SGPP1: variants seen among roughly 807,000 people sequenced by gnomAD.
The protein encoded by SGPP1 is hSPP1.
A neutral mutation model predicts 33.0 loss-of-function variants in SGPP1; 21 were observed. The observed-to-expected ratio is 0.64, with a 90% confidence interval of 0.45 to 0.92. SGPP1 has a LOEUF of 0.92. Ranked by LOEUF, SGPP1 falls within the 40% of genes least tolerant of loss-of-function variation. The pLI is 0.00. For synonymous variants in SGPP1, 239 were observed against 241.2 expected (o/e 0.99, Z 0.08); for missense variants, 543 against 589.4 (o/e 0.92, Z 0.81).
rs75205747 is a variant in SGPP1, at chr14:63,700,231, T to C, written c.685-1573A>G. On this transcript the variant is annotated intron_variant, in intron 1 of 2. Coordinates refer to ENST00000247225, the MANE Select transcript of SGPP1 (RefSeq NM_030791.4). Reference sequence around the variant, plus strand: ...CTTATTTTTTTAACTACTTCTAGACTAGGCATGCTGAAGACCTACCCATTT... The same window carrying C: ...CTTATTTTTTTAACTACTTCTAGACCAGGCATGCTGAAGACCTACCCATTT... Among the ~76,000 whole-genome samples the C allele has an allele frequency of 3.4e-3, 517 of 152,212 alleles. 5 individuals carry two copies. The highest frequency in any genetic ancestry group is 0.012 in the African/African-American group (500 of 41,528).
chr14:63,721,598 T>C (rs1885772037), intron 1 of SGPP1, among the ~76,000 whole-genome samples: 1 of 152,242 alleles, frequency 6.6e-6, no homozygotes, highest in Non-Finnish European at 1.5e-5. Context: ...TGATCAATTT[T>C]TCTTGGATCT....
intron 1 of SGPP1, among the ~76,000 whole-genome samples, chr14:63,719,933 G>A (rs1471652970): frequency 2.7e-5 from 4 of 150,118 alleles, no homozygotes; most frequent in Admixed American, 1.3e-4. Flanking sequence ...TGTCCAATAC[G>A]GTGAAACCCC....
In SGPP1 at chr14:63,727,474, AGG is replaced by A; in HGVS notation, c.469_470del (p.Pro157SerfsTer44). On this transcript the variant is annotated frameshift_variant, in exon 1 of 3. Transcript: ENST00000247225. LOFTEE classifies it high-confidence loss of function. The part of the protein sequence containing the change: ...FFPFWIWNLD[P>X]LVGRRLVVIW... ...TGACCACGAGCCTCCGGCCCACCAGAGGGTCCAGGTTCCAGATCCAGAAGGGG... is the reference window on the plus strand; with the variant it reads ...TGACCACGAGCCTCCGGCCCACCAGAGTCCAGGTTCCAGATCCAGAAGGGG... 1 of 1,614,074 alleles carries A rather than the reference AGG, an allele frequency of 6.2e-7. No homozygotes were observed. The highest frequency in any genetic ancestry group is 8.5e-7 in the Non-Finnish European group (1 of 1,180,012).
intron 1 of SGPP1, among the ~76,000 whole-genome samples, chr14:63,711,924 G>A (rs1233611262): frequency 6.6e-6 from 1 of 151,786 alleles, no homozygotes; most frequent in Non-Finnish European, 1.5e-5. Context: ...CAGCTACTGG[G>A]GAGGCTGAGG....
At chr14:63,716,698 CTTT>C (rs113716596) in intron 1 of SGPP1, among the ~76,000 whole-genome samples, 1 of 142,844 alleles carries the variant, frequency 7.0e-6, no homozygotes. Context: ...CCCAATAATA[CTTT>C]TTTTTTTTTT....
intron 2 of SGPP1, among the ~76,000 whole-genome samples, chr14:63,694,255 CAGA>C (rs1885144599): frequency 6.9e-6 from 1 of 145,714 alleles, no homozygotes. Context: ...GCCTGGGTAA[CAGA>C]AGGAGACCCT....
chr14:63,698,578 G>A lies in SGPP1; in HGVS notation c.765C>T (p.His255=). 1 of 1,561,170 alleles carries A rather than the reference G, an allele frequency of 6.4e-7. No homozygotes were observed. The highest frequency in any genetic ancestry group is 8.8e-7 in the Non-Finnish European group (1 of 1,137,470). ...VCLSRIYMGM[H]SILDIIAGFL... is the part of the protein sequence containing the mutation. ...ACAACATTTTCCTTACCAGAATAGA[G>A]TGCATTCCCATGTAAATTCTACTTA... The change falls in exon 2 of 3, where the codon CAC becomes CAT. Residue 255 remains histidine, a synonymous_variant. Transcript: ENST00000247225.
chr14:63,719,014 ATTTTTTTTTTT>A (rs1163496718), intron 1 of SGPP1, among the ~76,000 whole-genome samples: 1 of 19,432 alleles, frequency 5.1e-5, no homozygotes, highest in Non-Finnish European at 8.1e-5. Context: ...ATATATATAT[ATTTTTTTTTTT>A]TTTTTTTTTT....
intron 1 of SGPP1, among the ~76,000 whole-genome samples, chr14:63,699,786 C>T (rs911411468): frequency 2.6e-5 from 4 of 151,598 alleles, no homozygotes; most frequent in African/African-American, 9.7e-5. Flanking sequence ...AACATGGTCC[C>T]TCACTTTCTC....
intron 1 of SGPP1, among the ~76,000 whole-genome samples, chr14:63,707,342 C>G (rs1885436285): frequency 6.6e-6 from 1 of 151,928 alleles, no homozygotes; most frequent in Non-Finnish European, 1.5e-5. Context: ...ATCTGTGTTC[C>G]AGTTCCTATT....
At position 63,723,564 on chromosome 14, in the gene SGPP1, C is replaced by A. The variant is rs956153829; in HGVS notation, c.684+3697G>T. Among the ~76,000 whole-genome samples the A allele has an allele frequency of 3.2e-4, 49 of 151,978 alleles. 1 individual carries two copies. The highest frequency in any genetic ancestry group is 6.2e-4 in the Non-Finnish European group (42 of 68,002). On this transcript the variant is annotated intron_variant, in intron 1 of 2. Transcript: ENST00000247225. ...TGAAACCCCGTCTCTACTAAAAATA[C>A]AAACATTAGCCGGGGGTGGTGGTGT... is the stretch of plus-strand genomic sequence containing the variant.
chr14:63,718,010 C>G (rs918332788), intron 1 of SGPP1, among the ~76,000 whole-genome samples: 1 of 152,132 alleles, frequency 6.6e-6, no homozygotes, highest in Non-Finnish European at 1.5e-5. Context: ...CTTTAGGAGG[C>G]TGAGGCAGGC....
chr14:63,722,278 A>G (rs1229356051), intron 1 of SGPP1, among the ~76,000 whole-genome samples: 2 of 151,104 alleles, frequency 1.3e-5, no homozygotes, highest in African/African-American at 2.4e-5. Context: ...TAATCCCAAC[A>G]CTTTAGGAGT....
At chr14:63,705,583 A>T (rs1402588426) in intron 1 of SGPP1, among the ~76,000 whole-genome samples, 1 of 151,908 alleles carries the variant, frequency 6.6e-6, no homozygotes, top group African/African-American at 2.4e-5. Flanking sequence ...TAGGTGGATC[A>T]CTTGAGCCTG....
At chr14:63,707,765 T>A (rs911825350) in intron 1 of SGPP1, among the ~76,000 whole-genome samples, 1 of 152,074 alleles carries the variant, frequency 6.6e-6, no homozygotes, top group Non-Finnish European at 1.5e-5. Context: ...TATTTTTTTA[T>A]GTCTTGGATA....
intron 1 of SGPP1, among the ~76,000 whole-genome samples, chr14:63,705,918 T>A (rs985481604): frequency 6.6e-6 from 1 of 152,164 alleles, no homozygotes; most frequent in Non-Finnish European, 1.5e-5. Flanking sequence ...GACCCACACA[T>A]TTCCAATTTT....
At chr14:63,709,400 C>T (rs563077516) in intron 1 of SGPP1, among the ~76,000 whole-genome samples, 1 of 151,104 alleles carries the variant, frequency 6.6e-6, no homozygotes, top group East Asian at 1.9e-4. Flanking sequence ...ACCATTAATT[C>T]TATCCCTCTC....
At chr14:63,694,211 T>C (rs1369262152) in intron 2 of SGPP1, among the ~76,000 whole-genome samples, 2 of 151,816 alleles carry the variant, frequency 1.3e-5, no homozygotes, top group South Asian at 2.1e-4. Flanking sequence ...GAGGCAAAGG[T>C]TGCAGTGAGC....
At chr14:63,718,995 TATATATATATATATA>T (rs1885696944) in intron 1 of SGPP1, among the ~76,000 whole-genome samples, 1 of 21,218 alleles carries the variant, frequency 4.7e-5, no homozygotes, top group African/African-American at 2.2e-4. Context: ...TATATATATA[TATATATATATATATA>T]TATATTTTTT....
Sources: allele counts gnomAD v4.1 joint callset (sites outside exome capture counted in the v4.1 genomes callset), GRCh38; gene constraint gnomAD v4.1.1; transcripts MANE v1.5; gene names NCBI Gene and HGNC (gene_info 2026-07-23, HGNC 2026-07-21).